The following CAPN2 variants were observed in gnomAD, a reference collection of about 807,000 sequenced individuals.
CAPN2 encodes calpain 2, also known as calpain-2 catalytic subunit.
In CAPN2, 92 loss-of-function variants were observed where a neutral mutation model predicts 102.3. The observed-to-expected ratio is 0.90, with a 90% CI of 0.76 to 1.07. The LOEUF (loss-of-function observed/expected upper bound fraction) is 1.07. CAPN2 is among the 50% of genes least tolerant of loss of function. The pLI is 0.00. For missense variants in CAPN2, 800 were observed against 909.4 expected (o/e 0.88, Z 1.55); for synonymous variants, 340 against 355.4 (o/e 0.96, Z 0.49).
chr1:223,752,741 A>G, intron 8 of CAPN2, 55 bp from the exon 9 acceptor site: 2 of 1,582,396 alleles, frequency 1.3e-6, no homozygotes, highest in Admixed American at 1.7e-5. Context: ...TGGAAAGTCA[A>G]GGCTTACCAG....
At chr1:223,706,938 G>A (rs553850336) in intron 1 of CAPN2, among the ~76,000 whole-genome samples, 60 of 151,888 alleles carry the variant, frequency 4.0e-4, no homozygotes, top group Non-Finnish European at 7.2e-4. Context: ...AAATTAGCTG[G>A]GCATGGCAGT....
chr1:223,742,516 ATATTTTTTT>A lies in CAPN2; in HGVS notation c.308-1582_308-1574del, dbSNP rs1403822698. 1.5e-4 allele frequency among the ~76,000 whole-genome samples: 17 copies of A among 113,868 alleles called. No homozygotes were observed. In the South Asian group the frequency reaches 2.1e-3, roughly 14 times the overall value. 74.7% of individuals were successfully genotyped at this position (113,868 alleles called of 152,430 possible). On this transcript the variant is annotated intron_variant, in intron 2 of 20. Coordinates refer to ENST00000295006, the MANE Select transcript of CAPN2 (RefSeq NM_001748.5). ...TATGTGTGTATATATATATATATAT[ATATTTTTTT>A]TTTTTTTTTTGAGACAGGGTCTTGC...
chr1:223,733,303 A>G (rs1660375692), intron 2 of CAPN2, among the ~76,000 whole-genome samples: 1 of 152,100 alleles, frequency 6.6e-6, no homozygotes, highest in African/African-American at 2.4e-5. Context: ...AGCAAATATT[A>G]TGCTTTCCTC....
rs541990634 is a variant in CAPN2 at position 223,725,240 on chromosome 1, G to A, written c.307+7409G>A. 1.6e-4 allele frequency among the ~76,000 whole-genome samples: 25 copies of A among 152,220 alleles called. No individual in the cohort carries two copies. The South Asian group carries it at 2.1e-3, about 13-fold the overall frequency. On this transcript the variant is annotated intron_variant, in intron 2 of 20. Transcript: ENST00000295006. This position sits in a 1 kb window ranked among gnomAD's most constrained non-coding sequence, Gnocchi z 4.1. The stretch of plus-strand genomic sequence containing the variant: ...CAATATGAAATACAAACAATTAGCC[G>A]GGCGTGGTGGCATGCACTTGTAGTC...
rs1279637594 is a variant in CAPN2, at chr1:223,770,516, G to C, written c.1894G>C (p.Glu632Gln). The C allele has an allele frequency of 1.2e-6, 2 of 1,611,566 alleles. No individual in the cohort carries two copies. Among genetic ancestry groups the C allele is most frequent in the Admixed American group, 1.7e-5 (1 of 59,980 alleles). The change falls in exon 18 of 21, where the codon GAA becomes CAA. Residue 632 changes from glutamate to glutamine, a missense_variant. By Grantham distance (29) the Glu-to-Gln change is conservative. Coordinates refer to ENST00000295006, the MANE Select transcript of CAPN2 (RefSeq NM_001748.5). The stretch of plus-strand genomic sequence containing the variant: ...TTCCTATGAAATGCGGAAGGCATTA[G>C]AAGAAGCAGGTAACCCTTTATAACT... Reference protein sequence around the residue: ...MNSYEMRKALEEAGFKMPCQL... With the variant: ...MNSYEMRKALQEAGFKMPCQL...
Position 223,739,329 on chromosome 1 carries a change from G to A in CAPN2, c.308-4771G>A, listed in dbSNP as rs556444053. 1.7e-4 allele frequency among the ~76,000 whole-genome samples: 26 copies of A among 151,980 alleles called. No individual in the cohort carries two copies. In the South Asian group the frequency reaches 1.9e-3, roughly 11 times the overall value. On this transcript the variant is annotated intron_variant, in intron 2 of 20. Coordinates refer to ENST00000295006, the MANE Select transcript of CAPN2 (RefSeq NM_001748.5). ...CTCTCCAGTAGCTGGGACTACAGGC[G>A]CGTGCCAACATGCCTGGCTAATTTT...
rs1351423781 is a variant in CAPN2, at chr1:223,754,005, G to C, written c.1135+1049G>C. ...TCTAACCTTCCCAACAAACTTCTGAGGCAGGCACTTTCTTATCACCTCCAT... is the reference window on the plus strand; with the variant it reads ...TCTAACCTTCCCAACAAACTTCTGACGCAGGCACTTTCTTATCACCTCCAT... On this transcript the variant is annotated intron_variant, in intron 9 of 20. Transcript: ENST00000295006. This position sits in a 1 kb window ranked among gnomAD's most constrained non-coding sequence, Gnocchi z 4.7. Among the ~76,000 whole-genome samples, 1 of 152,182 alleles carries C rather than the reference G, an allele frequency of 6.6e-6. No individual in the cohort carries two copies. The highest frequency in any genetic ancestry group is 1.5e-5 in the Non-Finnish European group (1 of 68,036).
intron 16 of CAPN2, 107 bp downstream of exon 16, chr1:223,766,538 C>T: frequency 1.1e-6 from 1 of 889,858 alleles, no homozygotes; most frequent in Non-Finnish European, 1.8e-6. Context: ...GCCAGTTGTT[C>T]CCAACTTGCT....
intron 2 of CAPN2, among the ~76,000 whole-genome samples, chr1:223,734,662 G>A (rs907489605): frequency 5.9e-5 from 9 of 151,910 alleles, no homozygotes; most frequent in South Asian, 2.1e-4. Flanking sequence ...GCACCCTTTC[G>A]AGGACAAGAC....
intron 2 of CAPN2, among the ~76,000 whole-genome samples, chr1:223,718,046 AC>A (rs1183781145): frequency 6.6e-6 from 1 of 152,248 alleles, no homozygotes; most frequent in Non-Finnish European, 1.5e-5. Flanking sequence ...TGTCCCCTGC[AC>A]AGGGCTAGTT....
intron 1 of CAPN2, 58 bp downstream of exon 1, chr1:223,712,935 G>C (rs1659778756): frequency 4.0e-6 from 5 of 1,235,282 alleles, no homozygotes; most frequent in Non-Finnish European, 5.2e-6. Flanking sequence ...GCGGGGTGCA[G>C]GCCGGCCCGC....
At chr1:223,709,153 T>C (rs971120461), upstream of CAPN2, among the ~76,000 whole-genome samples, 1 of 151,994 alleles carries the variant, frequency 6.6e-6, no homozygotes, top group Non-Finnish European at 1.5e-5. Flanking sequence ...CACTCCACTT[T>C]GTTTGTGCTT....
intron 14 of CAPN2, among the ~76,000 whole-genome samples, chr1:223,763,335 C>T (rs1410199772): frequency 6.6e-6 from 1 of 152,202 alleles, no homozygotes; most frequent in African/African-American, 2.4e-5. Flanking sequence ...CTCTGCGCCT[C>T]CACCGGCCTC....
At chr1:223,709,661 C>CAAAAAAAAAAAAAAAAA (rs779362608), upstream of CAPN2, among the ~76,000 whole-genome samples, 2 of 137,856 alleles carry the variant, frequency 1.5e-5, no homozygotes, top group Admixed American at 7.1e-5. Context: ...AACTCCATCT[C>CAAAAAAAAAAAAAAAAA]AAAAAAAAAA....
chr1:223,729,253 A>G (rs1484665241), intron 2 of CAPN2, among the ~76,000 whole-genome samples: 1 of 152,238 alleles, frequency 6.6e-6, no homozygotes, highest in Non-Finnish European at 1.5e-5. Context: ...TTTCACTTTC[A>G]GTACAGTATT....
rs549255807 is a variant in CAPN2, at chr1:223,775,202, A to C, written c.*345A>C. ...GAAAAAAAAATGCAGGGAGGTATTT[A>C]ACAGCTGAGCAAAAACATTGAGTCG... On this transcript the variant is annotated 3_prime_UTR_variant, in exon 21 of 21. Coordinates refer to ENST00000295006, the MANE Select transcript of CAPN2 (RefSeq NM_001748.5). The C allele has an allele frequency of 1.8e-4, 38 of 215,906 alleles. No homozygotes were observed. Among genetic ancestry groups the C allele is most frequent in the African/African-American group, 8.5e-4 (37 of 43,666 alleles). The allele number at this position is 215,906 out of a possible 1,614,324, so 13.4% of individuals were successfully genotyped here.
chr1:223,761,615 G>A lies in CAPN2; in HGVS notation c.1564G>A (p.Glu522Lys), dbSNP rs765513542. ...VDDEIEANLE[E>K]FDISEDDIDD... ...TGATGAAATCGAGGCCAATCTTGAA[G>A]AGGTATTTGTAACTCTTTGAATTTC... The change falls in exon 13 of 21, where the codon GAG becomes AAG. Residue 522 changes from glutamate to lysine, a missense_variant and splice_region_variant. Physicochemically the swap from Glu to Lys is moderately conservative, Grantham distance 56 (BLOSUM62 1). Coordinates refer to ENST00000295006, the MANE Select transcript of CAPN2 (RefSeq NM_001748.5). 3.1e-6 allele frequency: 5 copies of A among 1,611,628 alleles called. No individual in the cohort carries two copies. In the African/African-American group the frequency reaches 6.7e-5, roughly 22 times the overall value.
intron 16 of CAPN2, among the ~76,000 whole-genome samples, chr1:223,766,821 G>A (rs1464249218): frequency 2.6e-5 from 4 of 152,030 alleles, no homozygotes; most frequent in Non-Finnish European, 4.4e-5. Context: ...TTAGCTGGGT[G>A]TGGTGGCGGG....
rs1660163557 is a variant in CAPN2, at chr1:223,725,349, C to G, written c.307+7518C>G. On this transcript the variant is annotated intron_variant, in intron 2 of 20. Transcript: ENST00000295006. The surrounding 1 kb of genome is among the most constrained non-coding windows in gnomAD (Gnocchi z 4.1). ...AGTGAGCCATGATCGCACCACTGCACTCCATCCTGGGCAATAGAGCGAGAC... is the reference window on the plus strand; with the variant it reads ...AGTGAGCCATGATCGCACCACTGCAGTCCATCCTGGGCAATAGAGCGAGAC... Among the ~76,000 whole-genome samples the G allele has an allele frequency of 6.6e-6, 1 of 151,798 alleles. No homozygotes were observed. Among genetic ancestry groups the G allele is most frequent in the Non-Finnish European group, 1.5e-5 (1 of 67,984 alleles).
Sources: allele counts gnomAD v4.1 joint callset (sites outside exome capture counted in the v4.1 genomes callset), GRCh38; gene constraint gnomAD v4.1.1; non-coding constraint Gnocchi (gnomAD v3.1); transcripts MANE v1.5; gene names NCBI Gene and HGNC (gene_info 2026-07-23, HGNC 2026-07-21).